FGD6: variants seen among roughly 807,000 people sequenced by gnomAD.
The protein encoded by FGD6 is FYVE, RhoGEF and PH domain containing 6.
In FGD6, 90 loss-of-function variants were observed where a neutral mutation model predicts 149.4. The observed-to-expected ratio is 0.60, with a 90% CI of 0.51 to 0.72. The LOEUF (loss-of-function observed/expected upper bound fraction) is 0.72, where lower values mean the gene tolerates loss of function less well. Among genes scored for constraint, FGD6 ranks in the 30% least tolerant of loss-of-function variants. The pLI is 0.00. For synonymous variants in FGD6, 527 were observed against 584.0 expected (o/e 0.90, Z 1.41); for missense variants, 1,437 against 1,684.8 (o/e 0.85, Z 2.57).
chr12:95,084,509 A>C lies in FGD6; in HGVS notation c.4245T>G (p.His1415Gln), dbSNP rs1162993680. 1.3e-6 allele frequency: 2 copies of C among 1,565,960 alleles called. No homozygotes were observed. The highest frequency in any genetic ancestry group is 1.7e-6 in the Non-Finnish European group (2 of 1,163,788). ...LFYVFKAEDA[H>Q]SAQKWIEAFQ... ...GCCAGATTACTTACTTCTGAGCCGA[A>C]TGAGCATCCTCTGCTTTGAATACAT... Residue 1415 changes from histidine (H) to glutamine (Q), a missense_variant, in exon 20 of 21, where the codon CAT (histidine) becomes CAG (glutamine). By Grantham distance (24) the His-to-Gln change is conservative. Around this residue, in one of 2 missense-constraint regions of FGD6, gnomAD observed 382 missense variants for 538.7 expected, o/e 0.71. Transcript: ENST00000343958.
At chr12:95,172,374 TC>T (rs1341242203) in intron 3 of FGD6, among the ~76,000 whole-genome samples, 2 of 152,202 alleles carry the variant, frequency 1.3e-5, no homozygotes, top group African/African-American at 4.8e-5. Context: ...AGACTCTGTC[TC>T]AAAATAATAA....
At chr12:95,091,856 G>T in intron 16 of FGD6, 47 bp from the exon 17 acceptor site, 1 of 1,405,236 alleles carries the variant, frequency 7.1e-7, no homozygotes, top group Non-Finnish European at 1.0e-6. Flanking sequence ...AGAATAACTT[G>T]TGTTTCTACA....
chr12:95,092,169 G>C (rs1279331840), intron 16 of FGD6, among the ~76,000 whole-genome samples: 1 of 152,126 alleles, frequency 6.6e-6, no homozygotes, highest in Admixed American at 6.6e-5. Context: ...CTGCAGCAAC[G>C]ACCACGTCTC....
At chr12:95,160,570 G>T (rs1200285602) in intron 3 of FGD6, among the ~76,000 whole-genome samples, 1 of 152,136 alleles carries the variant, frequency 6.6e-6, no homozygotes, top group Non-Finnish European at 1.5e-5. Context: ...CCCATGCCCA[G>T]GTGCAACTGT....
At chr12:95,160,127 T>C (rs560076676) in intron 3 of FGD6, among the ~76,000 whole-genome samples, 1 of 152,036 alleles carries the variant, frequency 6.6e-6, no homozygotes, top group African/African-American at 2.4e-5. Flanking sequence ...GGAGGATCAC[T>C]TGAGCACAGG....
chr12:95,170,802 C>T (rs1880968873), intron 3 of FGD6, among the ~76,000 whole-genome samples: 1 of 152,136 alleles, frequency 6.6e-6, no homozygotes, highest in Non-Finnish European at 1.5e-5. Context: ...CAAATTAAAG[C>T]AAGACAGACA....
At chr12:95,111,688 A>C (rs556818753) in intron 9 of FGD6, among the ~76,000 whole-genome samples, 18 of 152,236 alleles carry the variant, frequency 1.2e-4, no homozygotes, top group Non-Finnish European at 4.4e-5. Flanking sequence ...CTTACTTTGA[A>C]GTCATTTGCT....
chr12:95,090,066 G>A (rs1592825527), intron 17 of FGD6, among the ~76,000 whole-genome samples: 1 of 152,068 alleles, frequency 6.6e-6, no homozygotes. Flanking sequence ...GAACAAAGCA[G>A]CTTAAAAAAG....
At chr12:95,129,031 G>A (rs1879433103) in intron 8 of FGD6, among the ~76,000 whole-genome samples, 1 of 152,172 alleles carries the variant, frequency 6.6e-6, no homozygotes, top group South Asian at 2.1e-4. Context: ...AGGCTACATG[G>A]AGGGGTGATA....
At chr12:95,169,095 T>C (rs1445913860) in intron 3 of FGD6, among the ~76,000 whole-genome samples, 1 of 152,172 alleles carries the variant, frequency 6.6e-6, no homozygotes, top group Non-Finnish European at 1.5e-5. Context: ...AAATTATTAG[T>C]ACTAGTGGCA....
At chr12:95,143,470 A>G (rs1879916532) in intron 5 of FGD6, among the ~76,000 whole-genome samples, 1 of 152,158 alleles carries the variant, frequency 6.6e-6, no homozygotes, top group African/African-American at 2.4e-5. Flanking sequence ...TATTGATCCC[A>G]CAGTCACATT....
At chr12:95,119,192 C>A (rs928497310) in intron 8 of FGD6, among the ~76,000 whole-genome samples, 1 of 151,966 alleles carries the variant, frequency 6.6e-6, no homozygotes, top group African/African-American at 2.4e-5. Context: ...TTGGCCATGC[C>A]CCATAGCATT....
At chr12:95,154,542 A>T (rs1053539302) in intron 3 of FGD6, among the ~76,000 whole-genome samples, 3 of 152,224 alleles carry the variant, frequency 2.0e-5, no homozygotes, top group African/African-American at 7.2e-5. Context: ...ATAAGGAACA[A>T]GCAAGTATAA....
chr12:95,186,228 C>CTTTTTTTTTTTTT (rs1174763781), intron 2 of FGD6, among the ~76,000 whole-genome samples: 10 of 38,928 alleles, frequency 2.6e-4, no homozygotes, highest in East Asian at 7.0e-4. Flanking sequence ...TATTCTTCTT[C>CTTTTTTTTTTTTT]TTTTTTTTTT....
At chr12:95,206,722 G>T (rs574246772) in intron 2 of FGD6, among the ~76,000 whole-genome samples, 3 of 150,714 alleles carry the variant, frequency 2.0e-5, no homozygotes, top group Non-Finnish European at 4.4e-5. Flanking sequence ...AAAAGAAAAA[G>T]AAGTACTTAT....
chr12:95,150,188 C>A (rs557667000), intron 5 of FGD6, among the ~76,000 whole-genome samples: 1 of 151,686 alleles, frequency 6.6e-6, no homozygotes, highest in East Asian at 1.9e-4. Context: ...CCACCACGCC[C>A]GGCTAATTTT....
chr12:95,152,890 G>T, intron 4 of FGD6, 36 bp downstream of exon 4: 1 of 1,613,334 alleles, frequency 6.2e-7, no homozygotes, highest in Non-Finnish European at 8.5e-7. Context: ...CCAATGGGGG[G>T]AAAACAGTCT....
At position 95,210,798 on chromosome 12, in the gene FGD6, A is replaced by G. The variant is rs1314600489; in HGVS notation, c.486T>C (p.Tyr162=). 2 of 1,614,010 alleles carry G rather than the reference A, an allele frequency of 1.2e-6. No homozygotes were observed. Among genetic ancestry groups the G allele is most frequent in the African/African-American group, 1.3e-5 (1 of 75,034 alleles). Residue 162 remains tyrosine, a synonymous_variant, in exon 2 of 21, where the codon TAT becomes TAC. Transcript: ENST00000343958. ...TIKTRSKCDL[Y]GEKAKNQGGV... ...CACCCTGGTTCTTGGCTTTTTCACC[A>G]TACAAATCACATTTACTCCTAGTTT...
chr12:95,144,878 G>A (rs753199204), intron 5 of FGD6, among the ~76,000 whole-genome samples: 8 of 151,088 alleles, frequency 5.3e-5, no homozygotes, highest in East Asian at 3.9e-4. Context: ...TAGTAGATAC[G>A]GGGATTTCAC....
Sources: allele counts gnomAD v4.1 joint callset (sites outside exome capture counted in the v4.1 genomes callset), GRCh38; gene constraint gnomAD v4.1.1; regional missense constraint gnomAD v4.1.1; transcripts MANE v1.5; gene names NCBI Gene and HGNC (gene_info 2026-07-23, HGNC 2026-07-21).